CDV3: variants seen among roughly 807,000 people sequenced by gnomAD.
CDV3 encodes CDV3 homolog.
A neutral mutation model predicts 24.5 loss-of-function variants in CDV3; 14 were observed. The ratio of observed to expected loss-of-function variants is 0.57; its 90% confidence interval spans 0.38 to 0.89. The LOEUF (loss-of-function observed/expected upper bound fraction) is 0.89. CDV3 is among the 40% of genes least tolerant of loss of function. The probability of loss-of-function intolerance (pLI) is 0.00; values close to 1 mark genes in which losing one functional copy is unlikely to be tolerated. For synonymous variants in CDV3, 114 were observed against 114.1 expected (o/e 1.00, Z 0.00); for missense variants, 304 against 310.2 (o/e 0.98, Z 0.15).
intron 2 of CDV3, among the ~76,000 whole-genome samples, chr3:133,576,860 T>TTTTTTTTTTTTTTTTTTTTTC: frequency 7.4e-6 from 1 of 135,618 alleles, no homozygotes; most frequent in Non-Finnish European, 1.6e-5. Flanking sequence ...TTTTTTTTTT[T>TTTTTTTTTTTTTTTTTTTTTC]TTTTGAGACG....
intron 1 of CDV3, 28 bp downstream of exon 1, chr3:133,574,312 G>A (rs2074714757): frequency 2.1e-6 from 2 of 953,722 alleles, no homozygotes; most frequent in African/African-American, 3.5e-5. Context: ...CGGCACTCGG[G>A]GCCCGGGCCG....
intron 1 of CDV3, 194 bp downstream of exon 1, chr3:133,574,478 G>A (rs1408421588): frequency 3.0e-6 from 3 of 986,364 alleles, no homozygotes; most frequent in Admixed American, 6.1e-5. Context: ...TATCCGCGGT[G>A]GAGCCGCCCT....
intron 2 of CDV3, among the ~76,000 whole-genome samples, chr3:133,578,184 T>C (rs1173011443): frequency 6.6e-6 from 1 of 151,924 alleles, no homozygotes. Context: ...GTAGATGAGG[T>C]CTATTTTACC....
intron 2 of CDV3, among the ~76,000 whole-genome samples, chr3:133,576,336 G>A (rs968147911): frequency 1.3e-5 from 2 of 151,676 alleles, no homozygotes; most frequent in Non-Finnish European, 2.9e-5. Context: ...TCCTTAATGT[G>A]TCTTTCTCTT....
Position 133,574,020 on chromosome 3 carries a change from C to T in CDV3, c.-25C>T. Reference sequence around the variant, plus strand: ...GGCCGCGCCCGCCGCCGGCCCCACCCATCCGGGTCGAGGAGGCCGAGGCCA... The same window carrying T: ...GGCCGCGCCCGCCGCCGGCCCCACCTATCCGGGTCGAGGAGGCCGAGGCCA... On this transcript the variant is annotated 5_prime_UTR_variant, in exon 1 of 5. Transcript: ENST00000264993. The T allele has an allele frequency of 9.1e-7, 1 of 1,094,422 alleles. No individual in the cohort carries two copies. Among genetic ancestry groups the T allele is most frequent in the Non-Finnish European group, 1.1e-6 (1 of 887,732 alleles). The allele number at this position is 1,094,422 out of a possible 1,614,324, so 67.8% of individuals were successfully genotyped here.
At chr3:133,574,755 A>G in intron 1 of CDV3, 1 of 1,116,754 alleles carries the variant, frequency 9.0e-7, no homozygotes, top group Non-Finnish European at 1.1e-6. Context: ...TGAAGTAGAA[A>G]TGTAGTTGTG....
Position 133,588,544 on chromosome 3 carries a change from A to T in CDV3, c.*498A>T, listed in dbSNP as rs1933833612. 1.5e-6 allele frequency: 1 copy of T among 649,300 alleles called. No homozygotes were observed. Among genetic ancestry groups the T allele is most frequent in the African/African-American group, 1.8e-5 (1 of 54,708 alleles). 40.2% of individuals were successfully genotyped at this position (649,300 alleles called of 1,614,324 possible). A position where few individuals can be genotyped will look rare whatever the true frequency, so the allele number is the denominator to read the frequency against. On this transcript the variant is annotated 3_prime_UTR_variant, in exon 5 of 5. Transcript: ENST00000264993. ...CCATCTGGGTTCTGATCTGCTGTAA[A>T]AGATGAAGATTTAAGTGACCTTAAT...
rs1933946839 is a variant in CDV3, at chr3:133,589,880, C to G, written c.*1834C>G. On this transcript the variant is annotated 3_prime_UTR_variant, in exon 5 of 5. Coordinates refer to ENST00000264993, the MANE Select transcript of CDV3 (RefSeq NM_017548.5). ...AATCAGAAATGGGATTCTTGGTAAACTGAAGACTTTTATTTGGGAATGAAA... is the reference window on the plus strand; with the variant it reads ...AATCAGAAATGGGATTCTTGGTAAAGTGAAGACTTTTATTTGGGAATGAAA... 6.6e-6 allele frequency: 1 copy of G among 152,168 alleles called. No individual in the cohort carries two copies. Among genetic ancestry groups the G allele is most frequent in the East Asian group, 1.9e-4 (1 of 5,188 alleles). The allele number at this position is 152,168 out of a possible 1,614,324, so 9.4% of individuals were successfully genotyped here.
chr3:133,587,394 C>T (rs1395599701), intron 4 of CDV3: 7 of 1,206,886 alleles, frequency 5.8e-6, no homozygotes, highest in African/African-American at 1.6e-5. Flanking sequence ...TCTGCTCTGT[C>T]TTAAAAAATG....
rs756184797 is a variant in CDV3, at chr3:133,588,601, ACT to A, written c.*560_*561del. The stretch of plus-strand genomic sequence containing the variant: ...GTCCTGTGCCCTACCCTTAAGGAAT[ACT>A]CTCTGTAGTAGGCTGTTGTTATATT... On this transcript the variant is annotated 3_prime_UTR_variant, in exon 5 of 5. Coordinates refer to ENST00000264993, the MANE Select transcript of CDV3 (RefSeq NM_017548.5). 1.5e-5 allele frequency: 9 copies of A among 585,046 alleles called. 1 individual carries two copies. Among genetic ancestry groups the A allele is most frequent in the African/African-American group, 1.3e-4 (7 of 53,654 alleles). 36.2% of individuals were successfully genotyped at this position (585,046 alleles called of 1,614,324 possible).
chr3:133,587,221 C>CT, intron 4 of CDV3: 1 of 1,311,548 alleles, frequency 7.6e-7, no homozygotes. Flanking sequence ...CTACATCTTA[C>CT]TTTAGGGACA....
chr3:133,586,120 G>GA (rs1380291975), intron 3 of CDV3, among the ~76,000 whole-genome samples: 1 of 151,824 alleles, frequency 6.6e-6, no homozygotes, highest in Non-Finnish European at 1.5e-5. Context: ...TTGAGAGCCG[G>GA]AGTCTCCTTC....
chr3:133,587,026 A>G, intron 4 of CDV3: 1 of 495,438 alleles, frequency 2.0e-6, no homozygotes, highest in Non-Finnish European at 3.6e-6. Context: ...TTTTATAATT[A>G]AGTGGCTTTT....
intron 3 of CDV3, among the ~76,000 whole-genome samples, chr3:133,584,760 A>G (rs1385132108): frequency 6.6e-6 from 1 of 152,178 alleles, no homozygotes; most frequent in East Asian, 1.9e-4. Context: ...TCAAGGTGGT[A>G]AAAGTTGCTT....
chr3:133,588,905 C>G lies in CDV3; in HGVS notation c.*859C>G, dbSNP rs1341347081. The G allele has an allele frequency of 2.0e-5, 3 of 152,786 alleles. No individual in the cohort carries two copies. The highest frequency in any genetic ancestry group is 7.3e-5 in the African/African-American group (3 of 41,246). 9.5% of individuals were successfully genotyped at this position (152,786 alleles called of 1,614,324 possible). ...ACTTGAAATAAGTTCTTTGACAGAG[C>G]ATATTGCTTGGTTAATTAAGTAACC... On this transcript the variant is annotated 3_prime_UTR_variant, in exon 5 of 5. Coordinates refer to ENST00000264993, the MANE Select transcript of CDV3 (RefSeq NM_017548.5).
At position 133,576,367 on chromosome 3, in the gene CDV3, CCTGT is replaced by C. The variant is rs1401239125; in HGVS notation, c.317+1253_317+1256del. ...CTCTTTTCTGTCTCCTGGGGCTTGA[CCTGT>C]AAATAATGGGGAGGAGGGAATGTGA... On this transcript the variant is annotated intron_variant, in intron 2 of 4. Transcript: ENST00000264993. Among the ~76,000 whole-genome samples, 173 of 152,280 alleles carry C rather than the reference CCTGT, an allele frequency of 1.1e-3. 4 individuals carry two copies. In the East Asian group the frequency reaches 0.031, roughly 27 times the overall value.
At chr3:133,587,447 T>G (rs1184655124) in intron 4 of CDV3, 2 of 1,154,730 alleles carry the variant, frequency 1.7e-6, no homozygotes, top group Non-Finnish European at 2.1e-6. Context: ...ACACTCGAGT[T>G]TCTTTACCTG....
In CDV3 at chr3:133,590,090, A is replaced by G. The variant is rs1230143701; in HGVS notation, c.*2044A>G. On this transcript the variant is annotated 3_prime_UTR_variant, in exon 5 of 5. Transcript: ENST00000264993. The stretch of plus-strand genomic sequence containing the variant: ...GATTTAAATTACAACTCTTGTTATA[A>G]CTTTTTAAAAGATTGTGAAAATATC... The G allele has an allele frequency of 6.6e-6, 1 of 152,218 alleles. No individual in the cohort carries two copies. The highest frequency in any genetic ancestry group is 2.4e-5 in the African/African-American group (1 of 41,450). 9.4% of individuals were successfully genotyped at this position (152,218 alleles called of 1,614,324 possible).
At chr3:133,578,664 T>G (rs1005494485) in intron 2 of CDV3, among the ~76,000 whole-genome samples, 5 of 152,172 alleles carry the variant, frequency 3.3e-5, no homozygotes, top group African/African-American at 1.2e-4. Flanking sequence ...ATTTTAAGCC[T>G]CCAGGCCAGG....
Sources: allele counts gnomAD v4.1 joint callset (sites outside exome capture counted in the v4.1 genomes callset), GRCh38; gene constraint gnomAD v4.1.1; transcripts MANE v1.5; gene names NCBI Gene and HGNC (gene_info 2026-07-23, HGNC 2026-07-21).